The following PLEKHM3 variants were observed in gnomAD, a reference collection of about 807,000 sequenced individuals.
PLEKHM3 encodes pleckstrin homology domain-containing family M member 3.
In PLEKHM3, 45 loss-of-function variants were observed where a neutral mutation model predicts 81.8. That is an observed-to-expected ratio of 0.55 (90% CI 0.43 to 0.71). The LOEUF (loss-of-function observed/expected upper bound fraction) is 0.71, where lower values mean the gene tolerates loss of function less well. PLEKHM3 is among the 30% of genes least tolerant of loss of function. The probability of loss-of-function intolerance (pLI) is 0.00; values close to 1 mark genes in which losing one functional copy is unlikely to be tolerated. For missense variants in PLEKHM3, 788 were observed against 924.3 expected (o/e 0.85, Z 1.91); for synonymous variants, 352 against 356.4 (o/e 0.99, Z 0.14).
intron 5 of PLEKHM3, among the ~76,000 whole-genome samples, chr2:207,917,222 A>G (rs760463285): frequency 4.6e-5 from 7 of 152,246 alleles, no homozygotes; most frequent in Non-Finnish European, 8.8e-5. Context: ...CTAAAGCCCC[A>G]GCTGCAGCTG....
chr2:207,841,436 G>A (rs1390722128), intron 7 of PLEKHM3, among the ~76,000 whole-genome samples: 4 of 108,700 alleles, frequency 3.7e-5, no homozygotes, highest in African/African-American at 1.0e-4. Context: ...GTGACACAGC[G>A]AGACTCCATC....
Position 207,837,632 on chromosome 2 carries a change from C to CT in PLEKHM3, c.2109-9137dup, listed in dbSNP as rs756408346. On this transcript the variant is annotated intron_variant, in intron 7 of 7. Coordinates refer to ENST00000427836, the MANE Select transcript of PLEKHM3 (RefSeq NM_001080475.3). ...TAAAATAAAATTACAATAGTTCTCC[C>CT]TTTTTTTTTTTTTTTTTTTGAGATG... 3.4e-3 allele frequency among the ~76,000 whole-genome samples: 356 copies of CT among 105,950 alleles called. 31 individuals are homozygous for CT. The highest frequency in any genetic ancestry group is 0.013 in the East Asian group (46 of 3,528). The allele number at this position is 105,950 out of a possible 152,430, so 69.5% of individuals were successfully genotyped here. A position where few individuals can be genotyped will look rare whatever the true frequency, so the allele number is the denominator to read the frequency against.
At chr2:207,839,821 G>A (rs1281079190) in intron 7 of PLEKHM3, among the ~76,000 whole-genome samples, 3 of 152,160 alleles carry the variant, frequency 2.0e-5, no homozygotes, top group South Asian at 4.1e-4. Context: ...CAGCTACTGG[G>A]GAGGCTGAAG....
intron 7 of PLEKHM3, among the ~76,000 whole-genome samples, chr2:207,860,151 C>CTCTGTG (rs1262918232): frequency 9.0e-6 from 1 of 110,704 alleles, no homozygotes; most frequent in African/African-American, 3.7e-5. Flanking sequence ...AACTCTGCCT[C>CTCTGTG]TGTGTGTGTG....
intron 2 of PLEKHM3, among the ~76,000 whole-genome samples, chr2:207,988,794 T>C (rs1402664952): frequency 6.6e-6 from 1 of 152,248 alleles, no homozygotes; most frequent in Admixed American, 6.5e-5. Context: ...GGCCTCTGGC[T>C]ATTGCTCTGG....
At chr2:207,894,792 A>C (rs1688169602) in intron 6 of PLEKHM3, among the ~76,000 whole-genome samples, 1 of 152,198 alleles carries the variant, frequency 6.6e-6, no homozygotes, top group Non-Finnish European at 1.5e-5. Flanking sequence ...ACAAAATTGA[A>C]AAAACATAAC....
chr2:207,880,165 G>A (rs898584579), intron 6 of PLEKHM3, among the ~76,000 whole-genome samples: 1 of 152,222 alleles, frequency 6.6e-6, no homozygotes, highest in African/African-American at 2.4e-5. Context: ...TCAGCACTTA[G>A]GGAGGCCAAG....
intron 5 of PLEKHM3, among the ~76,000 whole-genome samples, chr2:207,914,347 A>G (rs1251156016): frequency 6.6e-6 from 1 of 152,044 alleles, no homozygotes; most frequent in African/African-American, 2.4e-5. Flanking sequence ...AATATAAAAA[A>G]ATTAGCTGGG....
At chr2:207,847,408 G>A (rs1357653360) in intron 7 of PLEKHM3, among the ~76,000 whole-genome samples, 2 of 152,200 alleles carry the variant, frequency 1.3e-5, no homozygotes, top group Non-Finnish European at 2.9e-5. Context: ...TTTCATTAAA[G>A]AAAACTGTCA....
intron 7 of PLEKHM3, among the ~76,000 whole-genome samples, chr2:207,858,523 C>T (rs1247003633): frequency 6.6e-6 from 1 of 150,996 alleles, no homozygotes; most frequent in Non-Finnish European, 1.5e-5. Flanking sequence ...TGTTGCCCAG[C>T]CTGGAGTGCA....
In PLEKHM3 at chr2:207,983,501, C is replaced by T. The variant is rs530887995; in HGVS notation, c.611-5915G>A. On this transcript the variant is annotated intron_variant, in intron 2 of 7. Transcript: ENST00000427836. The stretch of plus-strand genomic sequence containing the variant: ...ATCACGGACAGAGTATCACCATTTC[C>T]CCAAAGAAAACAGAGAAAGGTGAGC... Among the ~76,000 whole-genome samples the T allele has an allele frequency of 2.0e-5, 3 of 152,064 alleles. No individual in the cohort carries two copies. In the East Asian group the frequency reaches 5.8e-4, roughly 29 times the overall value.
chr2:207,930,286 G>T (rs1689546286), intron 5 of PLEKHM3, among the ~76,000 whole-genome samples: 1 of 152,104 alleles, frequency 6.6e-6, no homozygotes, highest in African/African-American at 2.4e-5. Context: ...TTTCTGTACA[G>T]AAAATAAGAT....
intron 7 of PLEKHM3, among the ~76,000 whole-genome samples, chr2:207,860,643 C>T (rs184351240): frequency 6.6e-6 from 1 of 152,292 alleles, no homozygotes; most frequent in East Asian, 1.9e-4. Flanking sequence ...TTCATCGCTC[C>T]ACTGCAGTGC....
intron 1 of PLEKHM3, among the ~76,000 whole-genome samples, chr2:208,016,668 A>AAAAACACACACACACACACACAC (rs1553568085): frequency 3.2e-5 from 2 of 61,554 alleles, no homozygotes; most frequent in Non-Finnish European, 7.9e-5. Context: ...AAAAAAAAAA[A>AAAAACACACACACACACACACAC]ATACACACAC....
At chr2:207,832,436 T>A (rs2092293575) in intron 7 of PLEKHM3, among the ~76,000 whole-genome samples, 1 of 152,224 alleles carries the variant, frequency 6.6e-6, no homozygotes, top group African/African-American at 2.4e-5. Context: ...AATATTTACA[T>A]TAAAAAATGT....
At chr2:208,022,010 AC>A in intron 1 of PLEKHM3, among the ~76,000 whole-genome samples, 1 of 152,342 alleles carries the variant, frequency 6.6e-6, no homozygotes, top group Non-Finnish European at 1.5e-5. Flanking sequence ...TTGAACATTA[AC>A]TTTTAAAATA....
chr2:207,927,206 C>T (rs2105933157), intron 5 of PLEKHM3, among the ~76,000 whole-genome samples: 1 of 152,304 alleles, frequency 6.6e-6, no homozygotes, highest in South Asian at 2.1e-4. Context: ...AACTCCCCCA[C>T]TTTAGATGTC....
At chr2:207,904,087 G>A (rs113597108) in intron 6 of PLEKHM3, among the ~76,000 whole-genome samples, 2,040 of 152,244 alleles carry the variant, frequency 0.013, 40 homozygotes, top group African/African-American at 0.045. Context: ...ATCCACACAC[G>A]CTGAGTTGTT....
intron 6 of PLEKHM3, among the ~76,000 whole-genome samples, chr2:207,887,116 A>C (rs1687906627): frequency 6.6e-6 from 1 of 152,258 alleles, no homozygotes; most frequent in Non-Finnish European, 1.5e-5. Flanking sequence ...ACACTTTGGG[A>C]AACACCAAAT....
Sources: gnomAD v4.1 joint callset for allele counts (sites outside exome capture counted in the v4.1 genomes callset) on GRCh38, gnomAD v4.1.1 for gene constraint, MANE v1.5 for transcripts, NCBI Gene and HGNC (gene_info 2026-07-23, HGNC 2026-07-21) for gene names.